The following SNAPC3 variants were observed in gnomAD, a reference collection of about 807,000 sequenced individuals.
SNAPC3 encodes the protein small nuclear RNA activating complex polypeptide 3, also known as snRNA-activating protein complex subunit 3.
Under a neutral mutation model 47.7 loss-of-function variants are expected in SNAPC3, and 56 were observed. The observed-to-expected ratio is 1.18, with a 90% CI of 0.95 to 1.47. The LOEUF (loss-of-function observed/expected upper bound fraction) is 1.47. Among genes scored for constraint, SNAPC3 ranks in the 40% most tolerant of loss-of-function variants. The probability of loss-of-function intolerance (pLI) is 0.00; values close to 1 mark genes in which losing one functional copy is unlikely to be tolerated. For synonymous variants in SNAPC3, 235 were observed against 189.9 expected (o/e 1.24, Z -1.95); for missense variants, 665 against 511.3 (o/e 1.30, Z -2.90).
At chr9:15,466,636 T>TG, downstream of SNAPC3, 1 of 746,734 alleles carries the variant, frequency 1.3e-6, no homozygotes, top group Non-Finnish European at 2.1e-6. Context: ...ATTCAGGAAT[T>TG]GGGTGATCAA....
At chr9:15,453,272 G>C (rs1202276794) in intron 7 of SNAPC3, 67 bp downstream of exon 7, 3 of 1,285,924 alleles carry the variant, frequency 2.3e-6, no homozygotes, top group African/African-American at 3.0e-5. Context: ...CAAAACCAGA[G>C]ATAGTTTTTT....
At chr9:15,449,554 TATATA>T (rs1563851108) in intron 5 of SNAPC3, among the ~76,000 whole-genome samples, 27 of 38,088 alleles carry the variant, frequency 7.1e-4, no homozygotes, top group Admixed American at 1.0e-3. Context: ...TATATATATA[TATATA>T]TATATTTTTT....
downstream of SNAPC3, chr9:15,463,531 A>ATCTG (rs1388214351): frequency 4.5e-4 from 68 of 150,114 alleles, no homozygotes; most frequent in Non-Finnish European, 5.9e-4. Flanking sequence ...GGTGGGGGTT[A>ATCTG]TCTATCTCAA....
At chr9:15,450,587 T>C (rs144165385) in intron 5 of SNAPC3, among the ~76,000 whole-genome samples, 1 of 152,348 alleles carries the variant, frequency 6.6e-6, no homozygotes, top group Non-Finnish European at 1.5e-5. Flanking sequence ...TCAGGTCTTC[T>C]GACCCTCATT....
At chr9:15,464,531 T>C (rs1238880402), downstream of SNAPC3, 1 of 200,882 alleles carries the variant, frequency 5.0e-6, no homozygotes, top group East Asian at 7.8e-5. Flanking sequence ...AACTAGTGTT[T>C]GTATTTTTGG....
intron 4 of SNAPC3, among the ~76,000 whole-genome samples, chr9:15,445,573 A>AT (rs1379120175): frequency 6.6e-6 from 1 of 152,178 alleles, no homozygotes; most frequent in Non-Finnish European, 1.5e-5. Context: ...ATATTAATAT[A>AT]TATATAAGTT....
Position 15,423,096 on chromosome 9 carries a change from G to C in SNAPC3, c.217G>C (p.Gly73Arg), listed in dbSNP as rs200501679. Residue 73 changes from glycine (G) to arginine (R), a missense_variant, in exon 1 of 9, where the codon GGG (glycine) becomes CGG (arginine). Gly to Arg is a moderately radical substitution (Grantham distance 125, BLOSUM62 -2). Transcript: ENST00000380821. Reference protein sequence around the residue: ...LREPPASALPGSQAADSDRED... With the variant: ...LREPPASALPRSQAADSDRED... ...GGAGCCGCCGGCATCCGCTCTGCCTGGGAGCCAGGCAGCTGACTCCGACCG... is the reference window on the plus strand; with the variant it reads ...GGAGCCGCCGGCATCCGCTCTGCCTCGGAGCCAGGCAGCTGACTCCGACCG... 3.7e-4 allele frequency: 567 copies of C among 1,542,636 alleles called. No homozygotes were observed. Among genetic ancestry groups the C allele is most frequent in the Non-Finnish European group, 4.6e-4 (535 of 1,154,340 alleles).
chr9:15,457,253 G>C (rs1267166120), intron 7 of SNAPC3, among the ~76,000 whole-genome samples: 1 of 152,054 alleles, frequency 6.6e-6, no homozygotes, highest in Non-Finnish European at 1.5e-5. Flanking sequence ...AGTTAATCTA[G>C]GTAAAATATC....
At chr9:15,434,510 C>G (rs985296020) in intron 3 of SNAPC3, among the ~76,000 whole-genome samples, 1 of 151,340 alleles carries the variant, frequency 6.6e-6, no homozygotes, top group African/African-American at 2.4e-5. Context: ...TGGGTTCAAG[C>G]GATTCTCCTG....
chr9:15,429,666 T>C (rs909295960), intron 2 of SNAPC3, among the ~76,000 whole-genome samples: 7 of 151,998 alleles, frequency 4.6e-5, no homozygotes, highest in African/African-American at 1.7e-4. Context: ...CCCCTCAATT[T>C]CTAAAAATTA....
chr9:15,432,399 T>C (rs989509679), intron 2 of SNAPC3, among the ~76,000 whole-genome samples: 2 of 152,168 alleles, frequency 1.3e-5, no homozygotes, highest in African/African-American at 2.4e-5. Context: ...ACCCAGATAC[T>C]GGTCTCTAAA....
chr9:15,442,616 G>A (rs1305219648), intron 3 of SNAPC3, among the ~76,000 whole-genome samples: 8 of 150,814 alleles, frequency 5.3e-5, no homozygotes, highest in African/African-American at 1.2e-4. Flanking sequence ...GACAATGGGC[G>A]GCCGGGCAGA....
chr9:15,465,143 A>ATTTGG (rs1306111541), downstream of SNAPC3: 2 of 235,998 alleles, frequency 8.5e-6, no homozygotes, highest in Non-Finnish European at 1.7e-5. Context: ...AACTATGCAC[A>ATTTGG]AAACCCACAG....
Position 15,453,193 on chromosome 9 carries a change from T to C in SNAPC3, c.968T>C (p.Ile323Thr), listed in dbSNP as rs1468374836. ...HQGDCEHVIV[I>T]TDIRLVHHDD... ...GGAGACTGTGAACATGTCATTGTCATTACTGACATAAGGTAGGTGACAGCA... is the reference window on the plus strand; with the variant it reads ...GGAGACTGTGAACATGTCATTGTCACTACTGACATAAGGTAGGTGACAGCA... The change falls in exon 7 of 9, where the codon ATT becomes ACT. Residue 323 changes from isoleucine to threonine, a missense_variant. Physicochemically the swap from Ile to Thr is moderately conservative, Grantham distance 89. Transcript: ENST00000380821. The C allele has an allele frequency of 6.2e-7, 1 of 1,611,406 alleles. No homozygotes were observed. Among genetic ancestry groups the C allele is most frequent in the Non-Finnish European group, 8.5e-7 (1 of 1,178,204 alleles).
intron 3 of SNAPC3, among the ~76,000 whole-genome samples, chr9:15,438,536 T>A (rs990890369): frequency 1.3e-5 from 2 of 152,164 alleles, no homozygotes; most frequent in Admixed American, 6.5e-5. Context: ...TAATTCCTTA[T>A]CTAGTTATTG....
intron 2 of SNAPC3, among the ~76,000 whole-genome samples, chr9:15,427,212 G>C (rs1406186356): frequency 2.6e-5 from 4 of 152,114 alleles, no homozygotes; most frequent in African/African-American, 9.7e-5. Context: ...ACATAGCTTT[G>C]GCAGTTTTGA....
At chr9:15,429,517 G>C (rs2031870157) in intron 2 of SNAPC3, among the ~76,000 whole-genome samples, 1 of 151,794 alleles carries the variant, frequency 6.6e-6, no homozygotes, top group African/African-American at 2.4e-5. Context: ...GCAATAGATG[G>C]GTTTTAAAGA....
intron 3 of SNAPC3, 56 bp from the exon 4 acceptor site, chr9:15,444,546 C>A: frequency 1.8e-6 from 2 of 1,122,732 alleles, no homozygotes; most frequent in South Asian, 1.3e-5. Flanking sequence ...TTGTACCACA[C>A]TGCATCTTAT....
chr9:15,436,297 C>A (rs899017466), intron 3 of SNAPC3, among the ~76,000 whole-genome samples: 1 of 152,308 alleles, frequency 6.6e-6, no homozygotes, highest in Non-Finnish European at 1.5e-5. Context: ...ATGTTTTCTT[C>A]TAGGAGTTTT....
Sources: allele counts gnomAD v4.1 joint callset (sites outside exome capture counted in the v4.1 genomes callset), GRCh38; gene constraint gnomAD v4.1.1; transcripts MANE v1.5; gene names NCBI Gene and HGNC (gene_info 2026-07-23, HGNC 2026-07-21).